Variants in KCNAB2 observed in about 807,000 individuals in gnomAD.
The protein encoded by KCNAB2 is potassium voltage-gated channel subfamily A regulatory beta subunit 2, also known as voltage-gated potassium channel subunit beta-2.
A neutral mutation model predicts 63.6 loss-of-function variants in KCNAB2; 29 were observed. The observed-to-expected ratio is 0.46, with a 90% CI of 0.34 to 0.62. The LOEUF is 0.62. Among genes scored for constraint, KCNAB2 ranks in the 20% least tolerant of loss-of-function variants. The probability of loss-of-function intolerance (pLI) is 0.01; values close to 1 mark genes in which losing one functional copy is unlikely to be tolerated. For missense variants in KCNAB2, 359 were observed against 563.9 expected (o/e 0.64, Z 3.68); for synonymous variants, 222 against 224.2 (o/e 0.99, Z 0.09).
Position 6,074,118 on chromosome 1 carries a change from G to A in KCNAB2, c.300+348G>A, listed in dbSNP as rs80355402. 3.2e-4 allele frequency among the ~76,000 whole-genome samples: 48 copies of A among 152,324 alleles called. No homozygotes were observed. Among genetic ancestry groups the A allele is most frequent in the East Asian group, 2.9e-3 (15 of 5,180 alleles). On this transcript the variant is annotated intron_variant, in intron 4 of 15. Coordinates refer to ENST00000378083, the MANE Select transcript of KCNAB2 (RefSeq NM_001199862.2). This position sits in a 1 kb window ranked among gnomAD's most constrained non-coding sequence, Gnocchi z 4.9. Reference sequence around the variant, plus strand: ...GTGCACACGCTTCCCAAATTCTGAAGCCGGATGCAGGTCCTAGCTGCCCCC... The same window carrying A: ...GTGCACACGCTTCCCAAATTCTGAAACCGGATGCAGGTCCTAGCTGCCCCC...
At chr1:6,061,732 T>C (rs960348692) in intron 2 of KCNAB2, among the ~76,000 whole-genome samples, 1 of 152,236 alleles carries the variant, frequency 6.6e-6, no homozygotes, top group Admixed American at 6.5e-5. Flanking sequence ...GAATATAATG[T>C]GCATAATGCA....
At chr1:6,039,099 G>T (rs549932274) in intron 1 of KCNAB2, among the ~76,000 whole-genome samples, 170 of 152,338 alleles carry the variant, frequency 1.1e-3, no homozygotes, top group African/African-American at 3.7e-3. Flanking sequence ...TGTCGGCCGG[G>T]GAGCAGCAGG....
At chr1:6,055,852 C>T (rs1353360755) in intron 2 of KCNAB2, among the ~76,000 whole-genome samples, 2 of 152,214 alleles carry the variant, frequency 1.3e-5, no homozygotes, top group African/African-American at 4.8e-5. Context: ...TTATTCTGTG[C>T]TTACCTCTTC....
At chr1:6,025,711 G>A (rs1451139225) in intron 1 of KCNAB2, among the ~76,000 whole-genome samples, 1 of 152,192 alleles carries the variant, frequency 6.6e-6, no homozygotes, top group Non-Finnish European at 1.5e-5. Context: ...GAGTCAGCCA[G>A]CCCTGAGTCC....
In KCNAB2 at chr1:6,073,849, AGTGAGCAC is replaced by A; in HGVS notation, c.300+83_300+90del. On this transcript the variant is annotated intron_variant, in intron 4 of 15. Coordinates refer to ENST00000378083, the MANE Select transcript of KCNAB2 (RefSeq NM_001199862.2). The surrounding 1 kb of genome is among the most constrained non-coding windows in gnomAD (Gnocchi z 5.7). ...CATGGTTAAGTCTGCCGCGTGGACCAGTGAGCACGTGCTCCCGGGAGCCAGCGCAGCAG... is the reference window on the plus strand; with the variant it reads ...CATGGTTAAGTCTGCCGCGTGGACCAGTGCTCCCGGGAGCCAGCGCAGCAG... 7.0e-7 allele frequency: 1 copy of A among 1,428,648 alleles called. No homozygotes were observed. The highest frequency in any genetic ancestry group is 1.7e-5 in the Admixed American group (1 of 59,196). 88.5% of individuals were successfully genotyped at this position (1,428,648 alleles called of 1,614,324 possible).
intron 13 of KCNAB2, 98 bp downstream of exon 13, chr1:6,095,722 C>A (rs919240457): frequency 8.7e-7 from 1 of 1,152,190 alleles, no homozygotes; most frequent in Non-Finnish European, 1.3e-6. Context: ...GCAGGGGTTC[C>A]GGGAGCTGCA....
chr1:6,023,307 T>A (rs1261310412), intron 1 of KCNAB2, among the ~76,000 whole-genome samples: 1 of 152,218 alleles, frequency 6.6e-6, no homozygotes, highest in Non-Finnish European at 1.5e-5. Flanking sequence ...TTATTTAGGG[T>A]ATATCCCCAG....
chr1:6,091,884 C>T (rs951249401), intron 10 of KCNAB2, among the ~76,000 whole-genome samples: 5 of 152,330 alleles, frequency 3.3e-5, no homozygotes, highest in African/African-American at 7.2e-5. Context: ...GCTCCATCAA[C>T]GTGGAATCAT....
At chr1:6,039,567 C>T (rs192527952) in intron 1 of KCNAB2, among the ~76,000 whole-genome samples, 5 of 152,342 alleles carry the variant, frequency 3.3e-5, no homozygotes, top group Admixed American at 2.6e-4. Context: ...CAGCTTCCAA[C>T]TGCCCAGAGT....
At chr1:6,033,485 A>C (rs1235832856), upstream of KCNAB2, among the ~76,000 whole-genome samples, 2 of 152,094 alleles carry the variant, frequency 1.3e-5, no homozygotes, top group Non-Finnish European at 2.9e-5. Flanking sequence ...CTGTGCATGT[A>C]TGCATGTGTA....
intron 1 of KCNAB2, among the ~76,000 whole-genome samples, chr1:6,016,394 A>T (rs148384889): frequency 6.6e-6 from 1 of 152,152 alleles, no homozygotes; most frequent in Non-Finnish European, 1.5e-5. Context: ...ATGAGTCACA[A>T]TGGAGCTATT....
rs1271004723 is a variant in KCNAB2 at position 6,087,059 on chromosome 1, C to T, written c.426-408C>T. Among the ~76,000 whole-genome samples, 1 of 152,162 alleles carries T rather than the reference C, an allele frequency of 6.6e-6. No homozygotes were observed. The highest frequency in any genetic ancestry group is 2.4e-5 in the African/African-American group (1 of 41,440). On this transcript the variant is annotated intron_variant, in intron 6 of 15. Transcript: ENST00000378083. This position sits in a 1 kb window ranked among gnomAD's most constrained non-coding sequence, Gnocchi z 6.4. ...AGATCCCCCCAGAGCCCGCCCCTGC[C>T]CCCTGGCCCACACCCGGCCTCCTCC...
In KCNAB2 at chr1:6,010,385, G is replaced by A. The variant is rs565868694; in HGVS notation, c.-53+17597G>A. Among the ~76,000 whole-genome samples the A allele has an allele frequency of 1.2e-3, 179 of 152,242 alleles. 1 individual carries two copies. Among genetic ancestry groups the A allele is most frequent in the African/African-American group, 4.1e-3 (171 of 41,528 alleles). On this transcript the variant is annotated intron_variant, in intron 1 of 16. Transcript: ENST00000341524. The stretch of plus-strand genomic sequence containing the variant: ...TGAGGCAGGAGGATCTCTTGAACCC[G>A]AGAGTTCAAGTTCAACCTGGGCAAC...
At position 6,085,091 on chromosome 1, in the gene KCNAB2, C is replaced by G. The variant is rs1040962178; in HGVS notation, c.381-113C>G. On this transcript the variant is annotated intron_variant, in intron 5 of 15. Coordinates refer to ENST00000378083, the MANE Select transcript of KCNAB2 (RefSeq NM_001199862.2). ...CAAGGCGGGTGTTAACAGCCTGGCTCTCTGGCCCCAGTGACATTTTCACAG... is the reference window on the plus strand; with the variant it reads ...CAAGGCGGGTGTTAACAGCCTGGCTGTCTGGCCCCAGTGACATTTTCACAG... The G allele has an allele frequency of 2.1e-5, 23 of 1,110,310 alleles. No individual in the cohort carries two copies. The Middle Eastern group carries it at 6.0e-4, about 29-fold the overall frequency. 68.8% of individuals were successfully genotyped at this position (1,110,310 alleles called of 1,614,324 possible). A position where few individuals can be genotyped will look rare whatever the true frequency, so the allele number is the denominator to read the frequency against.
intron 1 of KCNAB2, among the ~76,000 whole-genome samples, chr1:6,036,794 G>A (rs932916135): frequency 2.9e-4 from 44 of 152,022 alleles, no homozygotes; most frequent in Non-Finnish European, 5.4e-4. Context: ...AGCAGTGGCA[G>A]CTGAGGGTGG....
intron 2 of KCNAB2, among the ~76,000 whole-genome samples, chr1:6,056,853 C>T (rs1312840259): frequency 1.3e-5 from 2 of 152,026 alleles, no homozygotes; most frequent in African/African-American, 4.8e-5. Flanking sequence ...GCTTGGTCCC[C>T]AAAGAGACTG....
upstream of KCNAB2, among the ~76,000 whole-genome samples, chr1:6,040,928 G>A (rs536824274): frequency 5.3e-5 from 8 of 152,360 alleles, no homozygotes; most frequent in African/African-American, 1.7e-4. Context: ...GAAATATCTC[G>A]TTTGAGGTTA....
At chr1:6,027,018 G>T (rs1225794917) in intron 1 of KCNAB2, among the ~76,000 whole-genome samples, 1 of 152,200 alleles carries the variant, frequency 6.6e-6, no homozygotes, top group Non-Finnish European at 1.5e-5. Context: ...AGTGGTGGGG[G>T]ATAAAGACCC....
At chr1:6,095,286 A>G (rs538097946) in intron 11 of KCNAB2, 37 bp from the exon 12 acceptor site, 2 of 1,583,180 alleles carry the variant, frequency 1.3e-6, no homozygotes, top group East Asian at 4.6e-5. Flanking sequence ...GCCTGCTCAC[A>G]GGCAAGGGCC....
Sources: allele counts gnomAD v4.1 joint callset (sites outside exome capture counted in the v4.1 genomes callset), GRCh38; gene constraint gnomAD v4.1.1; non-coding constraint Gnocchi (gnomAD v3.1); transcripts MANE v1.5; gene names NCBI Gene and HGNC (gene_info 2026-07-23, HGNC 2026-07-21).